FCHO2: variants seen among roughly 807,000 people sequenced by gnomAD.
FCHO2 encodes the protein F-BAR domain only protein 2.
In FCHO2, 43 loss-of-function variants were observed where a neutral mutation model predicts 114.1. The ratio of observed to expected loss-of-function variants is 0.38; its 90% confidence interval spans 0.30 to 0.49. The LOEUF is 0.49. Ranked by LOEUF, FCHO2 falls within the 20% of genes least tolerant of loss-of-function variation. The pLI, the probability that FCHO2 is intolerant of heterozygous loss-of-function variation, is 0.97. For missense variants in FCHO2, 807 were observed against 950.4 expected (o/e 0.85, Z 1.98); for synonymous variants, 293 against 315.2 (o/e 0.93, Z 0.75).
In FCHO2 at chr5:72,986,972, G is replaced by T. The variant is rs967256595; in HGVS notation, c.126-2455G>T. ...CGGCTCACTGCAACCTCTGCCTCCC[G>T]GGTTCACACCATTCTGCCTCAGCCT... On this transcript the variant is annotated intron_variant, in intron 2 of 25. Coordinates refer to ENST00000430046, the MANE Select transcript of FCHO2 (RefSeq NM_138782.3). Among the ~76,000 whole-genome samples, 6 of 149,562 alleles carry T rather than the reference G, an allele frequency of 4.0e-5. No individual in the cohort carries two copies. The South Asian group carries it at 1.3e-3, about 31-fold the overall frequency.
chr5:72,995,182 A>G (rs1190631700), intron 5 of FCHO2, among the ~76,000 whole-genome samples: 1 of 152,196 alleles, frequency 6.6e-6, no homozygotes, highest in East Asian at 1.9e-4. Context: ...AGAAATAATC[A>G]TAATACATAT....
At chr5:72,990,691 G>A in intron 4 of FCHO2, 21 bp from the exon 5 acceptor site, 1 of 1,538,880 alleles carries the variant, frequency 6.5e-7, no homozygotes, top group Non-Finnish European at 8.7e-7. Context: ...TCATTTTGAT[G>A]GATCATTTCA....
intron 1 of FCHO2, among the ~76,000 whole-genome samples, chr5:72,963,766 G>A (rs1752012864): frequency 1.3e-5 from 2 of 151,978 alleles, no homozygotes; most frequent in African/African-American, 2.4e-5. Context: ...ATTTAGGCTG[G>A]TCTCAAACTC....
chr5:73,056,097 C>A lies in FCHO2; in HGVS notation c.1243C>A (p.Pro415Thr). 1 of 1,528,630 alleles carries A rather than the reference C, an allele frequency of 6.5e-7. No homozygotes were observed. The highest frequency in any genetic ancestry group is 2.5e-5 in the East Asian group (1 of 40,348). 94.7% of individuals were successfully genotyped at this position (1,528,630 alleles called of 1,614,324 possible). Residue 415 changes from proline to threonine, a missense_variant, in exon 16 of 26, where the codon CCA becomes ACA. By Grantham distance (38) the Pro-to-Thr change is conservative. Transcript: ENST00000430046. ...GTTAACAAAATCAAAGCCATCTGCT[C>A]CACCCAATGAGTAAGTTTCCATGTT... ...EELTKSKPSA[P>T]PNEKGTSDLL... is the part of the protein sequence containing the mutation.
chr5:72,961,828 T>C (rs772099732), intron 1 of FCHO2, among the ~76,000 whole-genome samples: 8 of 152,108 alleles, frequency 5.3e-5, no homozygotes, highest in Admixed American at 1.3e-4. Context: ...TGACCTCAGG[T>C]GATCCGCCTG....
chr5:73,027,446 T>C (rs1580128338), intron 8 of FCHO2, among the ~76,000 whole-genome samples: 1 of 152,052 alleles, frequency 6.6e-6, no homozygotes, highest in East Asian at 1.9e-4. Context: ...TTTGGTTTTT[T>C]ATGTGTTATG....
intron 2 of FCHO2, among the ~76,000 whole-genome samples, chr5:72,984,088 A>G (rs1753380468): frequency 6.6e-6 from 1 of 152,104 alleles, no homozygotes; most frequent in African/African-American, 2.4e-5. Flanking sequence ...TAATAGTAGT[A>G]TCTATCTTAT....
chr5:72,962,611 TG>T (rs1462133281), intron 1 of FCHO2, among the ~76,000 whole-genome samples: 1 of 152,058 alleles, frequency 6.6e-6, no homozygotes, highest in East Asian at 1.9e-4. Flanking sequence ...ATATTAGAGT[TG>T]GGGCAGGTGC....
chr5:72,976,864 A>C (rs1157856752), intron 2 of FCHO2, among the ~76,000 whole-genome samples: 1 of 148,360 alleles, frequency 6.7e-6, no homozygotes, highest in Non-Finnish European at 1.5e-5. Flanking sequence ...CCCACTAATG[A>C]GTGAGGACAT....
intron 2 of FCHO2, among the ~76,000 whole-genome samples, chr5:72,978,654 G>A (rs950834166): frequency 1.3e-5 from 2 of 152,118 alleles, no homozygotes; most frequent in Admixed American, 6.6e-5. Context: ...TGTTGAATAA[G>A]AGTGGTGAGA....
chr5:73,025,072 A>T (rs1175798885), intron 8 of FCHO2, among the ~76,000 whole-genome samples: 1 of 152,186 alleles, frequency 6.6e-6, no homozygotes, highest in Non-Finnish European at 1.5e-5. Context: ...CCCCAAAAAG[A>T]GTCATAGAAC....
chr5:73,045,397 T>C (rs138898458), intron 11 of FCHO2, among the ~76,000 whole-genome samples: 1 of 152,326 alleles, frequency 6.6e-6, no homozygotes, highest in Non-Finnish European at 1.5e-5. Context: ...AGCACAGTTC[T>C]TTGGAGATGT....
At chr5:73,020,383 A>G (rs1003379078) in intron 8 of FCHO2, among the ~76,000 whole-genome samples, 1 of 152,226 alleles carries the variant, frequency 6.6e-6, no homozygotes, top group Non-Finnish European at 1.5e-5. Context: ...TGTTCTTGGC[A>G]TGATTCCGTC....
intron 2 of FCHO2, among the ~76,000 whole-genome samples, chr5:72,983,920 C>T (rs1341905315): frequency 1.3e-5 from 2 of 151,732 alleles, no homozygotes; most frequent in African/African-American, 4.8e-5. Flanking sequence ...ATTGTGAGGC[C>T]ATAAGGTATA....
At chr5:73,051,328 T>A in intron 11 of FCHO2, 21 bp from the exon 12 acceptor site, 1 of 1,481,730 alleles carries the variant, frequency 6.7e-7, no homozygotes, top group Non-Finnish European at 9.1e-7. Context: ...TCATTATAAT[T>A]TTTTTTTCTT....
In FCHO2 at chr5:73,022,955, A is replaced by AT. The variant is rs571869107; in HGVS notation, c.796+5657dup. Among the ~76,000 whole-genome samples the AT allele has an allele frequency of 5.3e-3, 783 of 148,920 alleles. 8 individuals are homozygous for AT. Among genetic ancestry groups the AT allele is most frequent in the Non-Finnish European group, 7.1e-3 (473 of 66,992 alleles). On this transcript the variant is annotated intron_variant, in intron 8 of 25. Transcript: ENST00000430046. ...TCTGTTTAGAACCCTAGTAGAACTT[A>AT]TTTTTTTTTTGTAGTGTCAGCATAT...
chr5:72,956,708 C>T (rs1034444121), intron 1 of FCHO2, among the ~76,000 whole-genome samples: 3 of 152,168 alleles, frequency 2.0e-5, no homozygotes, highest in African/African-American at 7.2e-5. Context: ...GCCTCTGGGC[C>T]TGTTCACAAA....
At chr5:73,052,545 CTT>C in intron 13 of FCHO2, 38 bp downstream of exon 13, 1 of 1,471,030 alleles carries the variant, frequency 6.8e-7, no homozygotes, top group Non-Finnish European at 9.2e-7. Context: ...ATATAAAAGT[CTT>C]TATTTTTCTT....
intron 1 of FCHO2, among the ~76,000 whole-genome samples, chr5:72,963,808 C>T (rs1468828357): frequency 3.3e-5 from 5 of 151,950 alleles, no homozygotes; most frequent in Non-Finnish European, 5.9e-5. Flanking sequence ...GCCTCAGCCT[C>T]CCAAAGTGCT....
Sources: gnomAD v4.1 joint callset for allele counts (sites outside exome capture counted in the v4.1 genomes callset) on GRCh38, gnomAD v4.1.1 for gene constraint, MANE v1.5 for transcripts, NCBI Gene and HGNC (gene_info 2026-07-23, HGNC 2026-07-21) for gene names.